Variants in HDAC9 observed in about 807,000 individuals in gnomAD.
HDAC9 encodes the protein histone deacetylase 9.
A neutral mutation model predicts 139.4 loss-of-function variants in HDAC9; 41 were observed. The ratio of observed to expected loss-of-function variants is 0.29; its 90% confidence interval spans 0.23 to 0.38. The LOEUF (loss-of-function observed/expected upper bound fraction) is 0.38. Ranked by LOEUF, HDAC9 falls within the 10% of genes least tolerant of loss-of-function variation. The probability of loss-of-function intolerance (pLI) is 1.00; values close to 1 mark genes in which losing one functional copy is unlikely to be tolerated. For missense variants in HDAC9, 1,147 were observed against 1,297.0 expected (o/e 0.88, Z 1.78); for synonymous variants, 517 against 476.2 (o/e 1.09, Z -1.12).
intron 1 of HDAC9, among the ~76,000 whole-genome samples, chr7:18,381,778 A>G (rs1258405752): frequency 6.6e-6 from 1 of 152,182 alleles, no homozygotes; most frequent in East Asian, 1.9e-4. Context: ...AGGAAAATAC[A>G]TGCTGACAAG....
At chr7:18,987,100 CTA>C (rs1191533524) in intron 25 of HDAC9, among the ~76,000 whole-genome samples, 1 of 152,174 alleles carries the variant, frequency 6.6e-6, no homozygotes, top group African/African-American at 2.4e-5. Flanking sequence ...ACTTCCAACA[CTA>C]TGTTGAAGAG....
intron 2 of HDAC9, among the ~76,000 whole-genome samples, chr7:18,497,477 C>T (rs942537332): frequency 6.6e-6 from 1 of 152,068 alleles, no homozygotes; most frequent in Non-Finnish European, 1.5e-5. Flanking sequence ...ATTTTAAGAT[C>T]CTTCTGTTGA....
In HDAC9 at chr7:18,342,636, A is replaced by T. The variant is rs1782102363; in HGVS notation, c.-42+52121A>T. ...ATTCCCTCATCTAAAAATTAGAATT[A>T]TAGTTGTGCCTACTTTCGGAGTGGC... On this transcript the variant is annotated intron_variant, in intron 1 of 3. Transcript: ENST00000413509. 2.0e-5 allele frequency among the ~76,000 whole-genome samples: 3 copies of T among 151,980 alleles called. No homozygotes were observed. In the East Asian group the frequency reaches 5.8e-4, roughly 29 times the overall value.
chr7:18,811,770 G>C (rs1353035598), intron 17 of HDAC9, among the ~76,000 whole-genome samples: 1 of 151,236 alleles, frequency 6.6e-6, no homozygotes, highest in Non-Finnish European at 1.5e-5. Context: ...TTTAAATGTT[G>C]GTATATGTTT....
intron 1 of HDAC9, among the ~76,000 whole-genome samples, chr7:18,359,067 G>T (rs1159466319): frequency 6.6e-6 from 1 of 152,158 alleles, no homozygotes; most frequent in South Asian, 2.1e-4. Flanking sequence ...TTAAATTGGG[G>T]CAGTGAGGCC....
intron 21 of HDAC9, among the ~76,000 whole-genome samples, chr7:18,860,983 C>A (rs1798061146): frequency 6.6e-6 from 1 of 152,154 alleles, no homozygotes; most frequent in African/African-American, 2.4e-5. Context: ...ACTACTGATC[C>A]TTTCCAGCTC....
At chr7:18,256,136 A>G (rs1307530679) in intron 2 of HDAC9, among the ~76,000 whole-genome samples, 1 of 152,046 alleles carries the variant, frequency 6.6e-6, no homozygotes, top group African/African-American at 2.4e-5. Context: ...TCCACTTCCT[A>G]TTTTTATGTT....
intron 16 of HDAC9, among the ~76,000 whole-genome samples, chr7:18,792,634 A>T (rs761495579): frequency 6.6e-6 from 1 of 152,158 alleles, no homozygotes; most frequent in Non-Finnish European, 1.5e-5. Context: ...GCAACCATCT[A>T]TTTTACTGGC....
chr7:18,411,817 CTTTTTTT>C (rs71014326), intron 1 of HDAC9, among the ~76,000 whole-genome samples: 2,515 of 89,036 alleles, frequency 0.028, 52 homozygotes, highest in Admixed American at 0.042. Flanking sequence ...TTTCAACTTG[CTTTTTTT>C]TTTTTTTTTT....
intron 1 of HDAC9, among the ~76,000 whole-genome samples, chr7:18,468,301 T>C (rs1199128778): frequency 6.6e-6 from 1 of 152,248 alleles, no homozygotes; most frequent in Non-Finnish European, 1.5e-5. Flanking sequence ...TTATCTCTTC[T>C]CCATTTATTT....
chr7:18,463,074 G>GT (rs903089176), intron 1 of HDAC9, among the ~76,000 whole-genome samples: 21 of 151,822 alleles, frequency 1.4e-4, no homozygotes, highest in African/African-American at 5.1e-4. Flanking sequence ...TATAGTTTCA[G>GT]TTTTAATTAA....
chr7:18,919,057 C>A (rs1218169715), intron 22 of HDAC9, among the ~76,000 whole-genome samples: 1 of 151,926 alleles, frequency 6.6e-6, no homozygotes, highest in Non-Finnish European at 1.5e-5. Flanking sequence ...GCAATAAATA[C>A]TTGAGTTAAT....
intron 1 of HDAC9, among the ~76,000 whole-genome samples, chr7:18,153,218 T>G (rs1290687475): frequency 3.3e-5 from 5 of 152,066 alleles, no homozygotes; most frequent in African/African-American, 1.2e-4. Flanking sequence ...TGAAAAGAAT[T>G]GGACCAAACG....
At chr7:18,680,033 C>T (rs1022548703) in intron 12 of HDAC9, among the ~76,000 whole-genome samples, 10 of 151,938 alleles carry the variant, frequency 6.6e-5, no homozygotes, top group African/African-American at 2.4e-4. Flanking sequence ...TGGCATAGTT[C>T]ATGTTCTTTG....
intron 2 of HDAC9, among the ~76,000 whole-genome samples, chr7:18,278,094 G>A (rs1360278376): frequency 6.6e-6 from 1 of 152,180 alleles, no homozygotes; most frequent in African/African-American, 2.4e-5. Flanking sequence ...CCTTTCGGAA[G>A]TATTTTAATC....
intron 1 of HDAC9, among the ~76,000 whole-genome samples, chr7:18,427,563 T>C (rs1307527381): frequency 6.6e-6 from 1 of 152,058 alleles, no homozygotes; most frequent in African/African-American, 2.4e-5. Context: ...ACCTCTACCA[T>C]AATCCTGCTG....
intron 17 of HDAC9, among the ~76,000 whole-genome samples, chr7:18,810,211 A>C (rs1214515048): frequency 6.6e-6 from 1 of 151,858 alleles, no homozygotes; most frequent in Non-Finnish European, 1.5e-5. Context: ...TGGAATTAAA[A>C]ACAACAACAA....
At chr7:18,920,719 G>T (rs1803629762) in intron 22 of HDAC9, among the ~76,000 whole-genome samples, 1 of 152,054 alleles carries the variant, frequency 6.6e-6, no homozygotes, top group Admixed American at 6.6e-5. Context: ...GTTGAATTTT[G>T]TCAAAGGCCT....
chr7:18,377,273 T>C (rs1204069163), intron 1 of HDAC9, among the ~76,000 whole-genome samples: 1 of 152,120 alleles, frequency 6.6e-6, no homozygotes, highest in African/African-American at 2.4e-5. Context: ...CCATGGATGA[T>C]TGGGTAGGAC....
Sources: allele counts gnomAD v4.1 joint callset (sites outside exome capture counted in the v4.1 genomes callset), GRCh38; gene constraint gnomAD v4.1.1; transcripts MANE v1.5; gene names NCBI Gene and HGNC (gene_info 2026-07-23, HGNC 2026-07-21).